TMEM260: variants seen among roughly 807,000 people sequenced by gnomAD.
The protein encoded by TMEM260 is protein O-mannosyl-transferase TMEM260.
TMEM260 carries 82 observed loss-of-function variants against 88.9 expected under a neutral mutation model. That is an observed-to-expected ratio of 0.92 (90% confidence interval 0.77 to 1.11). TMEM260 has a LOEUF of 1.11. Among genes scored for constraint, TMEM260 ranks in the 50% least tolerant of loss-of-function variants. TMEM260 has a pLI of 0.00. For synonymous variants in TMEM260, 314 were observed against 309.3 expected, an observed-to-expected ratio of 1.02 and a Z score of -0.16; for missense variants, 902 against 853.4, an observed-to-expected ratio of 1.06 and a Z score of -0.71.
At chr14:56,614,615 A>C (rs767196476) in intron 7 of TMEM260, among the ~76,000 whole-genome samples, 1 of 152,222 alleles carries the variant, frequency 6.6e-6, no homozygotes, top group East Asian at 1.9e-4. Context: ...TTAGTTGCAC[A>C]TAAAAGTCAT....
intron 4 of TMEM260, among the ~76,000 whole-genome samples, chr14:56,604,633 G>A (rs183983634): frequency 1.4e-3 from 213 of 152,254 alleles, no homozygotes; most frequent in Non-Finnish European, 2.0e-3. Context: ...TTCCTGTGAT[G>A]CTATTAGAGG....
chr14:56,653,736 C>CAAAACAAAAAAAAACA (rs1890247429), downstream of TMEM260, among the ~76,000 whole-genome samples: 2 of 66,608 alleles, frequency 3.0e-5, no homozygotes, highest in Admixed American at 2.3e-4. Context: ...CTCTTGTCTC[C>CAAAACAAAAAAAAACA]AAAACAAAAA....
downstream of TMEM260, chr14:56,649,946 C>A: frequency 3.0e-6 from 1 of 331,492 alleles, no homozygotes; most frequent in Non-Finnish European, 5.9e-6. Context: ...AACTAGTAAA[C>A]TGAGCTGAGA....
Position 56,647,416 on chromosome 14 carries a change from C to T in TMEM260, c.2043C>T (p.Asp681=). ...TGTACTCTCAGAAAGCACCGAATGA[C>T]CCACAGCAAGCTGATATTTTAGGTG... ...FRLYSQKAPN[D]PQQADILGAL... The change falls in exon 16 of 16, where the codon GAC becomes GAT. Residue 681 remains aspartate, a synonymous_variant. Transcript: ENST00000261556. The T allele has an allele frequency of 6.2e-7, 1 of 1,614,124 alleles. No homozygotes were observed.
chr14:56,608,502 A>G (rs1392068586), intron 5 of TMEM260, among the ~76,000 whole-genome samples: 2 of 152,230 alleles, frequency 1.3e-5, no homozygotes, highest in Non-Finnish European at 2.9e-5. Context: ...CAGCATTGTT[A>G]TAACAACTAA....
chr14:56,585,810 C>T lies in TMEM260; in HGVS notation c.242C>T (p.Ala81Val), dbSNP rs1885460584. ...TTGTTCACGCTGGTGGCTAAACTGGCAATTACACTGTTTCCTTTTGGTTCA... is the reference window on the plus strand; with the variant it reads ...TTGTTCACGCTGGTGGCTAAACTGGTAATTACACTGTTTCCTTTTGGTTCA... ...YPLFTLVAKL[A>V]ITLFPFGSIA... The change falls in exon 3 of 16, where the codon GCA becomes GTA. Residue 81 changes from alanine (A) to valine (V), a missense_variant. Physicochemically the swap from Ala to Val is moderately conservative, Grantham distance 64. Coordinates refer to ENST00000261556, the MANE Select transcript of TMEM260 (RefSeq NM_017799.4). 1.2e-6 allele frequency: 2 copies of T among 1,613,314 alleles called. No individual in the cohort carries two copies. The highest frequency in any genetic ancestry group is 1.7e-6 in the Non-Finnish European group (2 of 1,179,610).
chr14:56,626,309 C>T (rs752254554), intron 12 of TMEM260, among the ~76,000 whole-genome samples: 33 of 152,136 alleles, frequency 2.2e-4, no homozygotes, highest in South Asian at 4.2e-4. Context: ...GTTATAAATG[C>T]GCTGTGAGAG....
chr14:56,625,237 C>G, intron 11 of TMEM260, 145 bp from the exon 12 acceptor site: 1 of 725,642 alleles, frequency 1.4e-6, no homozygotes, highest in South Asian at 2.0e-5. Context: ...ATCAGTACCA[C>G]ATTCTCAGTT....
intron 3 of TMEM260, among the ~76,000 whole-genome samples, chr14:56,586,481 G>C (rs1885511821): frequency 1.3e-5 from 2 of 152,054 alleles, no homozygotes; most frequent in South Asian, 2.1e-4. Flanking sequence ...ACTTTCTTAG[G>C]TTGGAAGTCT....
chr14:56,637,604 CAG>C (rs1320302090), intron 15 of TMEM260, among the ~76,000 whole-genome samples: 2 of 152,182 alleles, frequency 1.3e-5, no homozygotes, highest in African/African-American at 4.8e-5. Flanking sequence ...CCAATGAAAA[CAG>C]AGGGTAGGAC....
chr14:56,614,161 G>A (rs1010654496), intron 7 of TMEM260, among the ~76,000 whole-genome samples: 2 of 150,078 alleles, frequency 1.3e-5, no homozygotes, highest in African/African-American at 4.9e-5. Context: ...CACCTGCCTC[G>A]GCCTCCCAAA....
rs1296157855 is a variant in TMEM260 at position 56,629,871 on chromosome 14, C to CA, written c.1548-3117dup. On this transcript the variant is annotated intron_variant, in intron 12 of 15. Transcript: ENST00000261556. ...ACTACATAGGGAGACCCTGTCGCTACAAAAAAATAAAAATAAAAAATTAGC... is the reference window on the plus strand; with the variant it reads ...ACTACATAGGGAGACCCTGTCGCTACAAAAAAAATAAAAATAAAAAATTAGC... Among the ~76,000 whole-genome samples the CA allele has an allele frequency of 8.6e-5, 13 of 151,828 alleles. No individual in the cohort carries two copies. In the South Asian group the frequency reaches 1.2e-3, roughly 15 times the overall value.
intron 3 of TMEM260, among the ~76,000 whole-genome samples, chr14:56,595,257 A>C (rs1886132144): frequency 6.6e-6 from 1 of 152,198 alleles, no homozygotes; most frequent in South Asian, 2.1e-4. Flanking sequence ...GAATTTCTGC[A>C]CAGGTAAAAA....
intron 12 of TMEM260, among the ~76,000 whole-genome samples, chr14:56,627,992 A>G (rs756294589): frequency 5.9e-5 from 9 of 152,232 alleles, no homozygotes; most frequent in Admixed American, 2.0e-4. Context: ...TGTCATATAA[A>G]TAGAATCAAA....
In TMEM260 at chr14:56,622,338, GTC is replaced by G. The variant is rs144930834; in HGVS notation, c.1398+639_1398+640del. ...AGCCTGGGCAACAGGGCGAGACTCC[GTC>G]TCAAAAAAAAAAAAAAAAAAAAAAA... On this transcript the variant is annotated intron_variant, in intron 11 of 15. Transcript: ENST00000261556. Among the ~76,000 whole-genome samples, 160 of 80,072 alleles carry G rather than the reference GTC, an allele frequency of 2.0e-3. 1 individual carries two copies. The highest frequency in any genetic ancestry group is 9.3e-3 in the Middle Eastern group (1 of 108). 52.5% of individuals were successfully genotyped at this position (80,072 alleles called of 152,430 possible). A position where few individuals can be genotyped will look rare whatever the true frequency, so the allele number is the denominator to read the frequency against.
At chr14:56,658,394 C>T in the TMEM260 span, among the ~76,000 whole-genome samples, 1 of 151,634 alleles carries the variant, frequency 6.6e-6, no homozygotes, top group East Asian at 2.0e-4. Flanking sequence ...AATACAGGTG[C>T]CCGCCACCAT....
downstream of TMEM260, chr14:56,650,339 C>T (rs113591084): frequency 1.1e-5 from 3 of 261,810 alleles, no homozygotes; most frequent in South Asian, 3.8e-5. Flanking sequence ...AAGGCTGGCA[C>T]GCACCAGAGG....
chr14:56,623,774 TTGAG>T (rs1363939359), intron 11 of TMEM260, among the ~76,000 whole-genome samples: 3 of 152,206 alleles, frequency 2.0e-5, no homozygotes, highest in Non-Finnish European at 2.9e-5. Context: ...TAAGTATTTT[TTGAG>T]TATTTACAGT....
intron 3 of TMEM260, among the ~76,000 whole-genome samples, chr14:56,590,453 A>G (rs998699975): frequency 3.9e-5 from 6 of 152,176 alleles, no homozygotes; most frequent in Non-Finnish European, 7.4e-5. Flanking sequence ...GGGCCGCTTC[A>G]CCTTTTCACA....
Sources: gnomAD v4.1 joint callset for allele counts (sites outside exome capture counted in the v4.1 genomes callset) on GRCh38, gnomAD v4.1.1 for gene constraint, MANE v1.5 for transcripts, NCBI Gene and HGNC (gene_info 2026-07-23, HGNC 2026-07-21) for gene names.